Variants in EFNA5 observed in about 807,000 individuals in gnomAD.
The protein encoded by EFNA5 is ephrin-A5.
A neutral mutation model predicts 22.9 loss-of-function variants in EFNA5; 5 were observed. That is an observed-to-expected ratio of 0.22 (90% CI 0.11 to 0.46). The LOEUF (loss-of-function observed/expected upper bound fraction) is 0.46, where lower values mean the gene tolerates loss of function less well. Among genes scored for constraint, EFNA5 ranks in the 20% least tolerant of loss-of-function variants. EFNA5 has a pLI of 0.99. For missense variants in EFNA5, 237 were observed against 293.3 expected, an observed-to-expected ratio of 0.81 and a Z score of 1.40; for synonymous variants, 113 against 112.2, an observed-to-expected ratio of 1.01 and a Z score of -0.04.
intron 1 of EFNA5, among the ~76,000 whole-genome samples, chr5:107,619,467 C>CTTT (rs1164694386): frequency 7.0e-6 from 1 of 142,744 alleles, no homozygotes; most frequent in Non-Finnish European, 1.5e-5. Flanking sequence ...GCTGGACTTT[C>CTTT]TTTTTTTTTT....
intron 1 of EFNA5, among the ~76,000 whole-genome samples, chr5:107,573,126 T>C (rs1023750121): frequency 6.6e-6 from 1 of 152,196 alleles, no homozygotes; most frequent in Non-Finnish European, 1.5e-5. Context: ...TTATCTGCCC[T>C]TAGTCTCAGT....
intron 1 of EFNA5, among the ~76,000 whole-genome samples, chr5:107,508,418 G>A (rs1561416997): frequency 6.6e-6 from 1 of 152,170 alleles, no homozygotes; most frequent in Non-Finnish European, 1.5e-5. Flanking sequence ...TGTCATCAGA[G>A]TTTTTTGCTG....
intron 1 of EFNA5, among the ~76,000 whole-genome samples, chr5:107,661,407 G>C (rs1750957602): frequency 6.6e-6 from 1 of 152,216 alleles, no homozygotes; most frequent in Non-Finnish European, 1.5e-5. Flanking sequence ...TCTGCAAATA[G>C]CTACAGAATC....
At chr5:107,574,579 G>A (rs1451233457) in intron 1 of EFNA5, among the ~76,000 whole-genome samples, 4 of 152,132 alleles carry the variant, frequency 2.6e-5, no homozygotes, top group African/African-American at 9.7e-5. Context: ...AAACTATAAA[G>A]GCCAATTCTG....
At chr5:107,555,271 G>C (rs1748387774) in intron 1 of EFNA5, among the ~76,000 whole-genome samples, 1 of 152,166 alleles carries the variant, frequency 6.6e-6, no homozygotes, top group African/African-American at 2.4e-5. Context: ...TCAGAACCCT[G>C]AGATAGCCAG....
intron 1 of EFNA5, among the ~76,000 whole-genome samples, chr5:107,481,967 A>G (rs1436123153): frequency 6.6e-6 from 1 of 152,196 alleles, no homozygotes; most frequent in Non-Finnish European, 1.5e-5. Flanking sequence ...GTGTAATCAT[A>G]CACTTCTAAG....
intron 1 of EFNA5, among the ~76,000 whole-genome samples, chr5:107,559,714 A>G (rs1037177805): frequency 6.6e-6 from 1 of 152,252 alleles, no homozygotes; most frequent in African/African-American, 2.4e-5. Flanking sequence ...CTCTGGAAGA[A>G]GTCCTCCTAT....
intron 2 of EFNA5, among the ~76,000 whole-genome samples, chr5:107,394,094 T>A (rs894841103): frequency 2.0e-5 from 3 of 152,200 alleles, no homozygotes; most frequent in Admixed American, 2.0e-4. Context: ...CATTTTCATA[T>A]AAAGAACAAA....
At chr5:107,540,582 T>C (rs1580520359) in intron 1 of EFNA5, among the ~76,000 whole-genome samples, 1 of 152,174 alleles carries the variant, frequency 6.6e-6, no homozygotes, top group African/African-American at 2.4e-5. Flanking sequence ...ATCAAAGATA[T>C]AGAAAGTCAA....
intron 1 of EFNA5, among the ~76,000 whole-genome samples, chr5:107,533,160 C>T (rs541169460): frequency 6.6e-6 from 1 of 152,236 alleles, no homozygotes; most frequent in East Asian, 1.9e-4. Flanking sequence ...ATGTCCATTA[C>T]CCAAATGGAC....
intron 1 of EFNA5, among the ~76,000 whole-genome samples, chr5:107,615,678 A>C (rs1489241168): frequency 6.6e-6 from 1 of 152,162 alleles, no homozygotes; most frequent in Non-Finnish European, 1.5e-5. Context: ...AACAAACAAA[A>C]AAATTCTCTT....
At chr5:107,651,126 T>C (rs1750720593) in intron 1 of EFNA5, among the ~76,000 whole-genome samples, 1 of 152,198 alleles carries the variant, frequency 6.6e-6, no homozygotes, top group Non-Finnish European at 1.5e-5. Context: ...TCAAGTTCTG[T>C]TAGACAAACT....
chr5:107,580,721 C>CAAAAAAAAAAAAAAAAAAAAAA (rs56868732), intron 1 of EFNA5, among the ~76,000 whole-genome samples: 2 of 83,660 alleles, frequency 2.4e-5, no homozygotes, highest in Non-Finnish European at 4.6e-5. Flanking sequence ...GACTCCATCT[C>CAAAAAAAAAAAAAAAAAAAAAA]AAAAAAAAAA....
At chr5:107,405,582 ATTAC>A (rs1456783227) in intron 2 of EFNA5, among the ~76,000 whole-genome samples, 1 of 152,204 alleles carries the variant, frequency 6.6e-6, no homozygotes, top group Admixed American at 6.5e-5. Context: ...TTTGCCAAAA[ATTAC>A]TTACTTTAAC....
At chr5:107,384,335 C>T (rs765925023) in intron 4 of EFNA5, among the ~76,000 whole-genome samples, 9 of 152,108 alleles carry the variant, frequency 5.9e-5, no homozygotes, top group Non-Finnish European at 7.4e-5. Context: ...AGAACACTAG[C>T]GATATTTTGG....
At chr5:107,488,982 C>T (rs1023350970) in intron 1 of EFNA5, among the ~76,000 whole-genome samples, 8 of 151,760 alleles carry the variant, frequency 5.3e-5, no homozygotes, top group African/African-American at 1.2e-4. Context: ...TGAGCCACTG[C>T]GCCCGGCCAC....
At chr5:107,478,303 A>C (rs915357238) in intron 1 of EFNA5, among the ~76,000 whole-genome samples, 4 of 152,228 alleles carry the variant, frequency 2.6e-5, no homozygotes, top group African/African-American at 9.6e-5. Context: ...AGCATTATTC[A>C]GGAATGTTTA....
chr5:107,543,974 A>C (rs1029595967), intron 1 of EFNA5, among the ~76,000 whole-genome samples: 9 of 152,298 alleles, frequency 5.9e-5, no homozygotes, highest in African/African-American at 2.2e-4. Context: ...GGGGACAGGA[A>C]ATCAGGGTGT....
intron 1 of EFNA5, among the ~76,000 whole-genome samples, chr5:107,479,556 T>G (rs1750400763): frequency 6.6e-6 from 1 of 151,926 alleles, no homozygotes. Context: ...GACATGGAAG[T>G]TTTCTAGGGA....
Sources: gnomAD v4.1 joint callset for allele counts (sites outside exome capture counted in the v4.1 genomes callset) on GRCh38, gnomAD v4.1.1 for gene constraint, MANE v1.5 for transcripts, NCBI Gene and HGNC (gene_info 2026-07-23, HGNC 2026-07-21) for gene names.